FRMD4A: variants seen among roughly 807,000 people sequenced by gnomAD.
The protein encoded by FRMD4A is FERM domain-containing protein 4A.
Under a neutral mutation model 129.1 loss-of-function variants are expected in FRMD4A, and 29 were observed. The ratio of observed to expected loss-of-function variants is 0.22; its 90% confidence interval spans 0.17 to 0.31. The LOEUF is 0.31. Among genes scored for constraint, FRMD4A ranks in the 10% least tolerant of loss-of-function variants. FRMD4A has a pLI of 1.00. For synonymous variants in FRMD4A, 634 were observed against 571.6 expected (o/e 1.11, Z -1.56); for missense variants, 1,272 against 1,375.8 (o/e 0.92, Z 1.19).
chr10:13,819,915 C>T (rs531688015), intron 3 of FRMD4A, among the ~76,000 whole-genome samples: 4 of 152,196 alleles, frequency 2.6e-5, no homozygotes, highest in South Asian at 2.1e-4. Context: ...GTAGAGATGA[C>T]GTTTCAACAT....
At chr10:14,201,927 G>A (rs1842648714) in intron 2 of FRMD4A, among the ~76,000 whole-genome samples, 1 of 152,084 alleles carries the variant, frequency 6.6e-6, no homozygotes, top group African/African-American at 2.4e-5. Context: ...TCAGGAGTTT[G>A]AGACCAGCCT....
At chr10:13,652,095 C>T in intron 23 of FRMD4A, 121 bp from the exon 24 acceptor site, 1 of 715,542 alleles carries the variant, frequency 1.4e-6, no homozygotes, top group Non-Finnish European at 2.6e-6. Flanking sequence ...TGATTAGACA[C>T]CTGAGTTAGC....
At chr10:13,987,536 C>A (rs544979567) in intron 2 of FRMD4A, among the ~76,000 whole-genome samples, 1 of 152,098 alleles carries the variant, frequency 6.6e-6, no homozygotes, top group African/African-American at 2.4e-5. Flanking sequence ...CGTCAGGAAC[C>A]AAGCAGCCAA....
chr10:13,671,610 A>C (rs1312850195), intron 16 of FRMD4A, among the ~76,000 whole-genome samples: 1 of 152,248 alleles, frequency 6.6e-6, no homozygotes, highest in African/African-American at 2.4e-5. Context: ...CCATGGTGAC[A>C]GTGATCCTGG....
At chr10:13,919,687 C>T (rs925642323) in intron 2 of FRMD4A, among the ~76,000 whole-genome samples, 1 of 151,920 alleles carries the variant, frequency 6.6e-6, no homozygotes, top group Non-Finnish European at 1.5e-5. Context: ...CCTGTAATCC[C>T]AGCACTTTAG....
intron 15 of FRMD4A, among the ~76,000 whole-genome samples, chr10:13,683,794 CCT>C (rs2084836543): frequency 6.6e-6 from 1 of 151,482 alleles, no homozygotes; most frequent in Admixed American, 6.6e-5. Flanking sequence ...TTCACTGCAA[CCT>C]CTGCCTCCTG....
intron 2 of FRMD4A, among the ~76,000 whole-genome samples, chr10:14,109,915 C>G (rs7914493): frequency 0.68 from 101,803 of 149,968 alleles, 34,728 homozygotes; most frequent in East Asian, 0.82. Flanking sequence ...AGGTTGCAGT[C>G]AGCCAAGATC....
intron 2 of FRMD4A, among the ~76,000 whole-genome samples, chr10:14,126,648 G>A (rs1011361051): frequency 6.6e-6 from 1 of 152,138 alleles, no homozygotes; most frequent in Non-Finnish European, 1.5e-5. Context: ...GTTAGCTTGG[G>A]TAACCTCAGA....
rs2093430142 is a variant in FRMD4A, at chr10:13,810,727, A to G, written c.206+87T>C. 4.7e-6 allele frequency: 3 copies of G among 644,810 alleles called. No homozygotes were observed. The South Asian group carries it at 5.6e-5, about 12-fold the overall frequency. The allele number at this position is 644,810 out of a possible 1,614,324, so 39.9% of individuals were successfully genotyped here. ...ATGGGACCCAAGTGGTCTGCAGCTGATTTCGCTGCTAACAGCTGGAGTGGA... is the reference window on the plus strand; with the variant it reads ...ATGGGACCCAAGTGGTCTGCAGCTGGTTTCGCTGCTAACAGCTGGAGTGGA... On this transcript the variant is annotated intron_variant, in intron 4 of 24. Transcript: ENST00000357447.
intron 2 of FRMD4A, among the ~76,000 whole-genome samples, chr10:14,134,437 T>C (rs1839427697): frequency 2.1e-5 from 3 of 146,164 alleles, no homozygotes; most frequent in South Asian, 2.2e-4. Flanking sequence ...GATGAATGGA[T>C]AGATATGTGG....
chr10:13,933,304 C>T (rs1428777502), intron 2 of FRMD4A, among the ~76,000 whole-genome samples: 9 of 152,068 alleles, frequency 5.9e-5, no homozygotes, highest in East Asian at 1.9e-4. Flanking sequence ...TCATCCTCTT[C>T]GTTTACATAG....
intron 2 of FRMD4A, among the ~76,000 whole-genome samples, chr10:14,019,232 A>AAAAAAAAAGG (rs1832620846): frequency 6.6e-6 from 1 of 152,216 alleles, no homozygotes; most frequent in African/African-American, 2.4e-5. Flanking sequence ...AAAAAAAAAG[A>AAAAAAAAAGG]AAGGAGTGGG....
At chr10:13,947,721 A>G (rs114340177) in intron 2 of FRMD4A, among the ~76,000 whole-genome samples, 1 of 152,108 alleles carries the variant, frequency 6.6e-6, no homozygotes, top group Non-Finnish European at 1.5e-5. Context: ...CTCCTCCTGC[A>G]TGTCTTGGTA....
At chr10:13,740,720 G>A in intron 9 of FRMD4A, 143 bp from the exon 10 acceptor site, 1 of 564,616 alleles carries the variant, frequency 1.8e-6, no homozygotes, top group Non-Finnish European at 3.1e-6. Flanking sequence ...GTCCTGGAGT[G>A]GTATTTCCAA....
chr10:14,254,437 T>C (rs904675361), intron 2 of FRMD4A, among the ~76,000 whole-genome samples: 5 of 152,148 alleles, frequency 3.3e-5, no homozygotes, highest in Admixed American at 2.0e-4. Flanking sequence ...CAGGACACCC[T>C]GACAACTCTC....
chr10:14,117,588 C>A (rs906148044), intron 2 of FRMD4A, among the ~76,000 whole-genome samples: 79 of 152,236 alleles, frequency 5.2e-4, no homozygotes, highest in African/African-American at 1.9e-3. Flanking sequence ...GAGGCCCCAA[C>A]CAAATGGCAG....
In FRMD4A at chr10:13,644,809, A is replaced by AG. The variant is rs2081018950; in HGVS notation, c.*2228_*2229insC. On this transcript the variant is annotated 3_prime_UTR_variant, in exon 25 of 25. Coordinates refer to ENST00000357447, the MANE Select transcript of FRMD4A (RefSeq NM_018027.5). ...AATGGGGAAGGGAGAAAAAAAAAAA[A>AG]TCACTGTTCTTTGTAGCTCTAACCA... The AG allele has an allele frequency of 6.6e-6, 1 of 152,210 alleles. No individual in the cohort carries two copies. The highest frequency in any genetic ancestry group is 6.5e-5 in the Admixed American group (1 of 15,286). 9.4% of individuals were successfully genotyped at this position (152,210 alleles called of 1,614,324 possible).
intron 3 of FRMD4A, among the ~76,000 whole-genome samples, chr10:13,846,229 A>C (rs1040256533): frequency 1.3e-5 from 2 of 152,260 alleles, no homozygotes; most frequent in African/African-American, 2.4e-5. Flanking sequence ...GGTTCAATCT[A>C]TTAGGTTGGT....
At chr10:13,969,086 G>A (rs1478258200) in intron 2 of FRMD4A, among the ~76,000 whole-genome samples, 1 of 152,204 alleles carries the variant, frequency 6.6e-6, no homozygotes, top group Non-Finnish European at 1.5e-5. Context: ...TGGACCTCCT[G>A]CAGACCACCC....
Sources: gnomAD v4.1 joint callset for allele counts (sites outside exome capture counted in the v4.1 genomes callset) on GRCh38, gnomAD v4.1.1 for gene constraint, MANE v1.5 for transcripts, NCBI Gene and HGNC (gene_info 2026-07-23, HGNC 2026-07-21) for gene names.